The following CPZ variants were observed in gnomAD, a reference collection of about 807,000 sequenced individuals.
CPZ encodes VEZT/CPZ fusion.
Under a neutral mutation model 61.8 loss-of-function variants are expected in CPZ, and 103 were observed. That is an observed-to-expected ratio of 1.67 (90% CI 1.42 to 1.96). The LOEUF (loss-of-function observed/expected upper bound fraction) is 1.96, where lower values mean the gene tolerates loss of function less well. Ranked by LOEUF, CPZ falls within the 30% of genes most tolerant of loss-of-function variation. CPZ has a pLI of 0.00. For synonymous variants in CPZ, 551 were observed against 373.7 expected (o/e 1.47, Z -5.47); for missense variants, 1,461 against 914.9 (o/e 1.60, Z -7.70).
At chr4:8,603,814 C>T (rs758842211) in intron 3 of CPZ, 162 bp from the exon 4 acceptor site, 6 of 648,742 alleles carry the variant, frequency 9.2e-6, no homozygotes, top group Admixed American at 2.4e-5. Flanking sequence ...GCTTAGATAT[C>T]GTTGTAGGCA....
At position 8,607,337 on chromosome 4, in the gene CPZ, A is replaced by T; in HGVS notation, c.1139A>T (p.His380Leu). Residue 380 changes from histidine (H) to leucine (L), a missense_variant, in exon 7 of 11, where the codon CAT becomes CTT. Coordinates refer to ENST00000360986, the MANE Select transcript of CPZ (RefSeq NM_001014447.3). ...CCCTTTGTGCTCTCAGCCAGCCTTC[A>T]TGGGGGCGACCTGGTGGTGTCCTAC... ...TIPFVLSASL[H>L]GGDLVVSYPF... The T allele has an allele frequency of 6.2e-7, 1 of 1,614,142 alleles. No individual in the cohort carries two copies. The highest frequency in any genetic ancestry group is 1.1e-5 in the South Asian group (1 of 91,086).
intron 8 of CPZ, among the ~76,000 whole-genome samples, chr4:8,613,383 G>A (rs998249516): frequency 2.0e-5 from 3 of 152,200 alleles, no homozygotes; most frequent in Non-Finnish European, 4.4e-5. Context: ...GCCTGCCTCG[G>A]ACTCCCAGAG....
chr4:8,613,986 C>T (rs1715933992), intron 8 of CPZ, among the ~76,000 whole-genome samples: 1 of 152,260 alleles, frequency 6.6e-6, no homozygotes, highest in Non-Finnish European at 1.5e-5. Flanking sequence ...CTGACCTCAC[C>T]AGAGACAGCA....
intron 9 of CPZ, among the ~76,000 whole-genome samples, chr4:8,615,449 T>C (rs1243528735): frequency 6.6e-6 from 1 of 152,116 alleles, no homozygotes; most frequent in Non-Finnish European, 1.5e-5. Flanking sequence ...ATCACATAAA[T>C]TGCATATGAG....
intron 9 of CPZ, 33 bp downstream of exon 9, chr4:8,614,531 G>A: frequency 6.2e-7 from 1 of 1,605,524 alleles, no homozygotes; most frequent in Non-Finnish European, 8.5e-7. Context: ...CTCTGGTCCA[G>A]CTGTGGCCTG....
intron 10 of CPZ, among the ~76,000 whole-genome samples, chr4:8,618,976 G>C (rs1167068152): frequency 5.9e-5 from 9 of 151,896 alleles, no homozygotes; most frequent in East Asian, 3.9e-4. Flanking sequence ...CAGAGATGTG[G>C]TCCAGAGAAG....
intron 1 of CPZ, among the ~76,000 whole-genome samples, chr4:8,598,974 C>T (rs1714376842): frequency 6.6e-6 from 1 of 152,194 alleles, no homozygotes; most frequent in East Asian, 1.9e-4. Flanking sequence ...TGGGAGGGGC[C>T]TGGGTCTGGG....
chr4:8,593,028 C>T (rs1004830256), intron 1 of CPZ, 107 bp downstream of exon 1: 2 of 848,498 alleles, frequency 2.4e-6, no homozygotes, highest in African/African-American at 1.8e-5. Context: ...GTAGGTCACG[C>T]GCCTATGGTC....
In CPZ at chr4:8,618,490, G is replaced by C. The variant is rs775980838; in HGVS notation, c.1565G>C (p.Arg522Pro). ...DKFGKPVKNA[R>P]ISVKGIRHDI... Reference sequence around the variant, plus strand: ...TTCGGCAAGCCAGTCAAAAACGCCCGGATCTCAGTCAAAGGCATTCGCCAC... The same window carrying C: ...TTCGGCAAGCCAGTCAAAAACGCCCCGATCTCAGTCAAAGGCATTCGCCAC... The change falls in exon 10 of 11, where the codon CGG (arginine) becomes CCG (proline). Residue 522 changes from arginine to proline, a missense_variant. Physicochemically the swap from Arg to Pro is moderately radical, Grantham distance 103 (BLOSUM62 -2). Transcript: ENST00000360986. 2.5e-6 allele frequency: 4 copies of C among 1,614,006 alleles called. No individual in the cohort carries two copies. Among genetic ancestry groups the C allele is most frequent in the Non-Finnish European group, 3.4e-6 (4 of 1,180,042 alleles).
intron 1 of CPZ, among the ~76,000 whole-genome samples, chr4:8,595,585 T>C (rs1348210236): frequency 1.3e-5 from 2 of 152,250 alleles, no homozygotes; most frequent in African/African-American, 4.8e-5. Context: ...TGTGTGGTCT[T>C]GGGGCAGTTG....
chr4:8,619,540 G>C lies in CPZ; in HGVS notation c.1882G>C (p.Asp628His). ...CCGGGCGCGCAGGCAGCCCTCGGCC[G>C]ACGGGAGTAAGCCCTGGTGGTGGTC... ...PLRARRQPSA[D>H]GSKPWWWSYF... The change falls in exon 11 of 11, where the codon GAC becomes CAC. Residue 628 changes from aspartate (D) to histidine (H), a missense_variant. Coordinates refer to ENST00000360986, the MANE Select transcript of CPZ (RefSeq NM_001014447.3). The C allele has an allele frequency of 6.4e-7, 1 of 1,574,040 alleles. No individual in the cohort carries two copies. The highest frequency in any genetic ancestry group is 8.6e-7 in the Non-Finnish European group (1 of 1,159,202).
intron 8 of CPZ, among the ~76,000 whole-genome samples, chr4:8,613,290 C>A (rs538523964): frequency 2.6e-5 from 4 of 152,296 alleles, no homozygotes; most frequent in African/African-American, 7.2e-5. Context: ...CACCACCACA[C>A]CCAGCTAATT....
intron 7 of CPZ, among the ~76,000 whole-genome samples, chr4:8,607,833 C>G (rs552547213): frequency 9.9e-5 from 15 of 152,178 alleles, no homozygotes; most frequent in Non-Finnish European, 2.1e-4. Flanking sequence ...GCTGCCCGCC[C>G]GTCCTGCTTC....
chr4:8,603,204 C>T (rs1466940814), intron 3 of CPZ: 1 of 152,364 alleles, frequency 6.6e-6, no homozygotes, highest in Non-Finnish European at 1.5e-5. Flanking sequence ...CCTGCGGGCA[C>T]CTGCGTCCTG....
At chr4:8,611,976 G>A in intron 7 of CPZ, 51 bp from the exon 8 acceptor site, 2 of 1,612,160 alleles carry the variant, frequency 1.2e-6, no homozygotes, top group Non-Finnish European at 8.5e-7. Flanking sequence ...CCAGCTCACA[G>A]GACGTCCTGC....
chr4:8,606,580 G>A (rs1179459639), intron 5 of CPZ, among the ~76,000 whole-genome samples, 157 bp from the exon 6 acceptor site: 1 of 152,164 alleles, frequency 6.6e-6, no homozygotes, highest in Non-Finnish European at 1.5e-5. Context: ...GGGGTGGAGA[G>A]GAGGCCAAGG....
At chr4:8,617,169 C>G (rs537936936) in intron 9 of CPZ, among the ~76,000 whole-genome samples, 1 of 152,224 alleles carries the variant, frequency 6.6e-6, no homozygotes, top group South Asian at 2.1e-4. Context: ...GCATCGGTCA[C>G]GGCGGGGGTC....
intron 9 of CPZ, among the ~76,000 whole-genome samples, chr4:8,614,715 C>T (rs1311595072): frequency 6.6e-6 from 1 of 152,116 alleles, no homozygotes; most frequent in East Asian, 1.9e-4. Flanking sequence ...GTGGCGGTGC[C>T]ATGTGTTGGA....
At chr4:8,596,972 G>A (rs1241728132) in intron 1 of CPZ, among the ~76,000 whole-genome samples, 1 of 152,216 alleles carries the variant, frequency 6.6e-6, no homozygotes. Context: ...ACCCAAGCTC[G>A]CCAGCTCAGG....
Sources: allele counts gnomAD v4.1 joint callset (sites outside exome capture counted in the v4.1 genomes callset), GRCh38; gene constraint gnomAD v4.1.1; transcripts MANE v1.5; gene names NCBI Gene and HGNC (gene_info 2026-07-23, HGNC 2026-07-21).